COX5A: variants seen among roughly 807,000 people sequenced by gnomAD.
COX5A encodes cytochrome c oxidase subunit 5A, mitochondrial.
A neutral mutation model predicts 16.1 loss-of-function variants in COX5A; 6 were observed. That is an observed-to-expected ratio of 0.37 (90% CI 0.20 to 0.73). The LOEUF is 0.73. COX5A is among the 30% of genes least tolerant of loss of function. The pLI, the probability that COX5A is intolerant of heterozygous loss-of-function variation, is 0.50. For synonymous variants in COX5A, 73 were observed against 73.8 expected (o/e 0.99, Z 0.06); for missense variants, 159 against 194.9 (o/e 0.82, Z 1.10).
intron 3 of COX5A, among the ~76,000 whole-genome samples, chr15:74,925,257 C>T (rs772344818): frequency 6.6e-6 from 1 of 151,944 alleles, no homozygotes; most frequent in African/African-American, 2.4e-5. Flanking sequence ...GAGCTGAGAT[C>T]ACGCAATGAT....
chr15:74,925,458 G>A (rs1448218733), intron 3 of COX5A, among the ~76,000 whole-genome samples: 1 of 150,418 alleles, frequency 6.6e-6, no homozygotes, highest in African/African-American at 2.4e-5. Context: ...GTGCCATCTT[G>A]GCTCACTGTA....
At chr15:74,932,241 C>A (rs2065370680) in intron 1 of COX5A, among the ~76,000 whole-genome samples, 1 of 152,090 alleles carries the variant, frequency 6.6e-6, no homozygotes, top group South Asian at 2.1e-4. Context: ...AGAAATGAAA[C>A]CTATCTCAAA....
chr15:74,929,961 C>A (rs1012623005), intron 1 of COX5A, among the ~76,000 whole-genome samples: 2 of 151,612 alleles, frequency 1.3e-5, no homozygotes, highest in Admixed American at 1.3e-4. Context: ...CGGCTGTAGT[C>A]CCAGCTACTC....
intron 1 of COX5A, among the ~76,000 whole-genome samples, chr15:74,935,388 T>C (rs1348530112): frequency 6.6e-6 from 1 of 152,026 alleles, no homozygotes; most frequent in African/African-American, 2.4e-5. Flanking sequence ...CCCAGCACTT[T>C]GGAAGGTGGG....
intron 1 of COX5A, among the ~76,000 whole-genome samples, chr15:74,932,550 T>A (rs1358635572): frequency 1.3e-5 from 2 of 152,220 alleles, no homozygotes; most frequent in Admixed American, 1.3e-4. Flanking sequence ...ATCCTATATA[T>A]CTTTAATGCA....
intron 1 of COX5A, among the ~76,000 whole-genome samples, chr15:74,931,016 CAAAAAAAAAAAAAA>C (rs61417867): frequency 0.027 from 650 of 23,746 alleles, 15 homozygotes; most frequent in African/African-American, 0.069. Flanking sequence ...GACTCTGTCT[CAAAAAAAAAAAAAA>C]AAAAAAAAAA....
intron 3 of COX5A, among the ~76,000 whole-genome samples, chr15:74,924,042 TAGTG>T (rs1269640494): frequency 6.6e-6 from 1 of 151,484 alleles, no homozygotes; most frequent in African/African-American, 2.4e-5. Context: ...CAGCCAGGTG[TAGTG>T]GCACATGCCT....
At position 74,919,888 on chromosome 15, in the gene COX5A, TAGGAA is replaced by T. The variant is rs535520656; in HGVS notation, c.*559_*563del. ...TACACCACTGCAAGGGAAGAACAGGTAGGAAAGGAAAGGGGCACTAAGAGAGGAAC... is the reference window on the plus strand; with the variant it reads ...TACACCACTGCAAGGGAAGAACAGGTAGGAAAGGGGCACTAAGAGAGGAAC... On this transcript the variant is annotated 3_prime_UTR_variant, in exon 5 of 5. Transcript: ENST00000322347. 13 of 153,742 alleles carry T rather than the reference TAGGAA, an allele frequency of 8.5e-5. No homozygotes were observed. The South Asian group carries it at 2.6e-3, about 31-fold the overall frequency. The allele number at this position is 153,742 out of a possible 1,614,324, so 9.5% of individuals were successfully genotyped here.
intron 3 of COX5A, among the ~76,000 whole-genome samples, chr15:74,926,158 G>C (rs1381362521): frequency 1.3e-5 from 2 of 150,598 alleles, no homozygotes; most frequent in African/African-American, 4.9e-5. Flanking sequence ...TCCCGCCTCA[G>C]CCTCCTGAGT....
intron 3 of COX5A, among the ~76,000 whole-genome samples, chr15:74,924,072 C>T (rs1381419567): frequency 4.6e-5 from 7 of 151,634 alleles, no homozygotes; most frequent in South Asian, 2.1e-4. Context: ...CTCAGCTACT[C>T]GGGAGGCTGA....
Position 74,935,163 on chromosome 15 carries a change from C to G in COX5A, c.100+2752G>C, listed in dbSNP as rs148908146. ...GAGTTACTGAGGCTGGGTGCAGTGG[C>G]TCTCGCTTGTAATCCCAGCACTTTG... On this transcript the variant is annotated intron_variant, in intron 1 of 4. Coordinates refer to ENST00000322347, the MANE Select transcript of COX5A (RefSeq NM_004255.4). Among the ~76,000 whole-genome samples, 798 of 152,258 alleles carry G rather than the reference C, an allele frequency of 5.2e-3. 6 individuals are homozygous for G. Among genetic ancestry groups the G allele is most frequent in the Middle Eastern group, 0.017 (5 of 294 alleles).
intron 4 of COX5A, among the ~76,000 whole-genome samples, chr15:74,922,778 G>C (rs924553366): frequency 6.7e-6 from 1 of 148,496 alleles, no homozygotes. Context: ...TGATTCTCCC[G>C]CCTCAGCCTC....
chr15:74,925,928 C>T (rs577573491), intron 3 of COX5A, among the ~76,000 whole-genome samples: 32 of 150,934 alleles, frequency 2.1e-4, no homozygotes, highest in African/African-American at 7.3e-4. Flanking sequence ...TGCAATGGTG[C>T]GATCTCAGCT....
intron 1 of COX5A, among the ~76,000 whole-genome samples, chr15:74,932,096 A>G (rs2065370018): frequency 6.6e-6 from 1 of 152,212 alleles, no homozygotes; most frequent in African/African-American, 2.4e-5. Flanking sequence ...TACCCCCCTT[A>G]GCAGATTATG....
chr15:74,928,965 T>C lies in COX5A; in HGVS notation c.217+151A>G. The C allele has an allele frequency of 5.9e-6, 4 of 673,198 alleles. No homozygotes were observed. In the Admixed American group the frequency reaches 6.9e-5, roughly 12 times the overall value. 41.7% of individuals were successfully genotyped at this position (673,198 alleles called of 1,614,324 possible). On this transcript the variant is annotated intron_variant, in intron 2 of 4. Transcript: ENST00000322347. ...TAGTGCCTGCCTTAAAATCCTGCTT[T>C]ATAGGTAGCCATAAACTTTCCTAAC...
chr15:74,936,751 C>G (rs2141275665), intron 1 of COX5A, among the ~76,000 whole-genome samples: 1 of 151,506 alleles, frequency 6.6e-6, no homozygotes, highest in East Asian at 2.0e-4. Context: ...TTCAGCCTCC[C>G]GAGTAGCTGG....
chr15:74,920,381 G>T lies in COX5A; in HGVS notation c.*71C>A. The T allele has an allele frequency of 1.4e-6, 1 of 695,206 alleles. No homozygotes were observed. Among genetic ancestry groups the T allele is most frequent in the South Asian group, 1.5e-5 (1 of 64,880 alleles). 43.1% of individuals were successfully genotyped at this position (695,206 alleles called of 1,614,324 possible). On this transcript the variant is annotated 3_prime_UTR_variant, in exon 5 of 5. Transcript: ENST00000322347. ...CAAATAAGGTAATATGTTATCATCA[G>T]TATTTCCAGGTAACTGTTCACACTC...
intron 1 of COX5A, among the ~76,000 whole-genome samples, chr15:74,932,308 GCTTAA>G (rs1385233956): frequency 2.6e-5 from 4 of 151,958 alleles, no homozygotes; most frequent in Non-Finnish European, 4.4e-5. Context: ...GTTGTTTAAG[GCTTAA>G]CATATTTTTA....
At chr15:74,921,232 C>A (rs1385759722) in intron 4 of COX5A, among the ~76,000 whole-genome samples, 7 of 150,088 alleles carry the variant, frequency 4.7e-5, no homozygotes, top group African/African-American at 1.7e-4. Context: ...CACGGTGAAA[C>A]CCCGTCTCTA....
Sources: allele counts gnomAD v4.1 joint callset (sites outside exome capture counted in the v4.1 genomes callset), GRCh38; gene constraint gnomAD v4.1.1; transcripts MANE v1.5; gene names NCBI Gene and HGNC (gene_info 2026-07-23, HGNC 2026-07-21).